Variants in COL6A5 observed in about 807,000 individuals in gnomAD.
COL6A5 encodes the protein collagen alpha-5(VI) chain.
In COL6A5, 48 loss-of-function variants were observed where a neutral mutation model predicts 65.6. The observed-to-expected ratio is 0.73, with a 90% CI of 0.58 to 0.93. The LOEUF is 0.93. Among genes scored for constraint, COL6A5 ranks in the 40% least tolerant of loss-of-function variants. The pLI is 0.00. For missense variants in COL6A5, 914 were observed against 928.3 expected, an observed-to-expected ratio of 0.98 and a Z score of 0.20; for synonymous variants, 291 against 322.8, an observed-to-expected ratio of 0.90 and a Z score of 1.05.
chr3:130,407,095 G>T (rs1423922570), intron 17 of COL6A5, among the ~76,000 whole-genome samples: 1 of 152,202 alleles, frequency 6.6e-6, no homozygotes, highest in African/African-American at 2.4e-5. Context: ...TGTCCAGAAA[G>T]TCTTCCTGGA....
At chr3:130,453,613 A>G (rs1433386212) in intron 4 of COL6A5, among the ~76,000 whole-genome samples, 2 of 152,208 alleles carry the variant, frequency 1.3e-5, no homozygotes, top group Non-Finnish European at 2.9e-5. Flanking sequence ...AAATAAAAAT[A>G]TAACAAATTA....
At chr3:130,392,023 C>A (rs961949675) in intron 7 of COL6A5, among the ~76,000 whole-genome samples, 1 of 152,114 alleles carries the variant, frequency 6.6e-6, no homozygotes, top group Admixed American at 6.5e-5. Flanking sequence ...CTTTTTCTGG[C>A]AGAAAGGAAT....
chr3:130,397,491 T>C, intron 8 of COL6A5, 92 bp from the exon 9 acceptor site: 1 of 950,640 alleles, frequency 1.1e-6, no homozygotes, highest in African/African-American at 1.6e-5. Context: ...ACCCTCTAGC[T>C]CTGGGGCATG....
intron 1 of COL6A5, among the ~76,000 whole-genome samples, chr3:130,357,716 G>T (rs1305866269): frequency 2.0e-5 from 3 of 152,088 alleles, no homozygotes; most frequent in African/African-American, 7.2e-5. Flanking sequence ...AAAAGAAAAA[G>T]CATATGTGAT....
intron 17 of COL6A5, among the ~76,000 whole-genome samples, chr3:130,409,103 T>C (rs545255676): frequency 6.6e-6 from 1 of 152,288 alleles, no homozygotes; most frequent in South Asian, 2.1e-4. Context: ...AGTGCTATGT[T>C]AGACCACGAG....
chr3:130,450,447 C>T (rs1286231824), intron 4 of COL6A5, among the ~76,000 whole-genome samples: 2 of 152,078 alleles, frequency 1.3e-5, no homozygotes, highest in East Asian at 1.9e-4. Flanking sequence ...TAGCAGGCTC[C>T]AAGAGAAGAA....
At chr3:130,474,822 A>G (rs1710047321) in intron 7 of COL6A5, among the ~76,000 whole-genome samples, 1 of 151,622 alleles carries the variant, frequency 6.6e-6, no homozygotes, top group Non-Finnish European at 1.5e-5. Flanking sequence ...AGCCTGAGCA[A>G]CATGGTGAGA....
intron 5 of COL6A5, among the ~76,000 whole-genome samples, chr3:130,386,311 G>A (rs976532473): frequency 2.0e-5 from 3 of 151,974 alleles, no homozygotes; most frequent in Non-Finnish European, 2.9e-5. Flanking sequence ...GATAACACAC[G>A]TGGAGCAGTT....
chr3:130,399,207 A>G (rs1445109741), intron 10 of COL6A5, among the ~76,000 whole-genome samples: 4 of 152,176 alleles, frequency 2.6e-5, no homozygotes, highest in African/African-American at 9.6e-5. Flanking sequence ...CCTAAAGACC[A>G]CAATATGTCC....
At chr3:130,446,937 A>G (rs1456056901) in intron 4 of COL6A5, among the ~76,000 whole-genome samples, 2 of 152,152 alleles carry the variant, frequency 1.3e-5, no homozygotes, top group Admixed American at 1.3e-4. Flanking sequence ...ACAATGCCAA[A>G]TGTAATTGGG....
chr3:130,391,150 T>C (rs35898730), intron 6 of COL6A5, 29 bp from the exon 7 acceptor site: 126,532 of 1,502,944 alleles, frequency 0.084, 5,773 homozygotes, highest in African/African-American at 0.12. Flanking sequence ...TGCAGAAAGT[T>C]TGTGACTCCT....
chr3:130,472,355 C>T (rs1351501806), intron 7 of COL6A5, among the ~76,000 whole-genome samples: 2 of 152,002 alleles, frequency 1.3e-5, no homozygotes, highest in Non-Finnish European at 2.9e-5. Flanking sequence ...AGCTGAGCCT[C>T]AGCCTCAGTG....
chr3:130,348,605 T>A (rs1934588876), intron 1 of COL6A5, among the ~76,000 whole-genome samples: 1 of 152,222 alleles, frequency 6.6e-6, no homozygotes. Context: ...ATCTTTATAG[T>A]AGAATGATTT....
intron 1 of COL6A5, among the ~76,000 whole-genome samples, chr3:130,358,122 G>A (rs1265483890): frequency 6.6e-6 from 1 of 152,056 alleles, no homozygotes; most frequent in Non-Finnish European, 1.5e-5. Flanking sequence ...CTGGGAGGCG[G>A]AGCTTGCAGT....
At chr3:130,385,621 A>G (rs1936159084) in intron 5 of COL6A5, among the ~76,000 whole-genome samples, 1 of 152,032 alleles carries the variant, frequency 6.6e-6, no homozygotes, top group Admixed American at 6.6e-5. Context: ...TGGGGCCTTG[A>G]CAAAGCCCAC....
At chr3:130,401,197 G>A (rs774050051) in intron 11 of COL6A5, 24 bp downstream of exon 11, 14 of 1,516,210 alleles carry the variant, frequency 9.2e-6, no homozygotes, top group South Asian at 3.9e-5. Flanking sequence ...CAAAATCCCC[G>A]GTTGTTCAAA....
intron 5 of COL6A5, among the ~76,000 whole-genome samples, chr3:130,462,298 T>C (rs1709720081): frequency 6.6e-6 from 1 of 152,060 alleles, no homozygotes; most frequent in Non-Finnish European, 1.5e-5. Context: ...GTATGAATGA[T>C]TGCCTACTCC....
At chr3:130,480,368 A>T (rs1375347335) in intron 7 of COL6A5, among the ~76,000 whole-genome samples, 1 of 152,000 alleles carries the variant, frequency 6.6e-6, no homozygotes, top group Non-Finnish European at 1.5e-5. Flanking sequence ...CATACACTTA[A>T]ATATATATAT....
chr3:130,443,279 T>C (rs1369550224), intron 3 of COL6A5, among the ~76,000 whole-genome samples, 197 bp from the exon 36 acceptor site: 1 of 152,138 alleles, frequency 6.6e-6, no homozygotes, highest in Non-Finnish European at 1.5e-5. Context: ...TGGTAATCCT[T>C]TGGCTGCTAA....
Sources: gnomAD v4.1 joint callset for allele counts (sites outside exome capture counted in the v4.1 genomes callset) on GRCh38, gnomAD v4.1.1 for gene constraint, MANE v1.5 for transcripts, NCBI Gene and HGNC (gene_info 2026-07-23, HGNC 2026-07-21) for gene names.